NEMF: variants seen among roughly 807,000 people sequenced by gnomAD.
NEMF encodes the protein ribosome quality control complex subunit NEMF.
A neutral mutation model predicts 162.2 loss-of-function variants in NEMF; 89 were observed. That is an observed-to-expected ratio of 0.55 (90% confidence interval 0.46 to 0.65). The LOEUF (loss-of-function observed/expected upper bound fraction) is 0.65, where lower values mean the gene tolerates loss of function less well. NEMF is among the 30% of genes least tolerant of loss of function. The pLI is 0.00. For synonymous variants in NEMF, 421 were observed against 404.5 expected (o/e 1.04, Z -0.49); for missense variants, 1,133 against 1,261.9 (o/e 0.90, Z 1.55).
intron 5 of NEMF, chr14:49,839,889 GT>G (rs1442846005): frequency 2.6e-5 from 4 of 152,154 alleles, no homozygotes; most frequent in Non-Finnish European, 4.4e-5. Flanking sequence ...GCTGGGCCCG[GT>G]CGCTCATACC....
At chr14:49,829,539 A>G (rs1431457740) in intron 11 of NEMF, 113 bp from the exon 12 acceptor site, 3 of 863,086 alleles carry the variant, frequency 3.5e-6, no homozygotes, top group Non-Finnish European at 5.4e-6. Flanking sequence ...TTATCTAGCT[A>G]GCTGAAGTTC....
Position 49,782,563 on chromosome 14 carries a change from A to G in NEMF, c.*2073T>C, listed in dbSNP as rs746917299. 5.6e-6 allele frequency: 9 copies of G among 1,607,632 alleles called. No homozygotes were observed. Among genetic ancestry groups the G allele is most frequent in the African/African-American group, 1.3e-5 (1 of 74,710 alleles). ...TCAGGCACACAGTAATGAAATACTA[A>G]TATTTTCAGTTCAACCAAAATCTCT... On this transcript the variant is annotated 3_prime_UTR_variant, in exon 33 of 33. Transcript: ENST00000298310.
chr14:49,810,561 A>C (rs1891429182), intron 18 of NEMF, among the ~76,000 whole-genome samples: 1 of 152,110 alleles, frequency 6.6e-6, no homozygotes, highest in Non-Finnish European at 1.5e-5. Context: ...ACTCTGTAGA[A>C]AGCTTTAAAA....
At chr14:49,791,938 G>A (rs2139833367) in intron 26 of NEMF, among the ~76,000 whole-genome samples, 1 of 151,744 alleles carries the variant, frequency 6.6e-6, no homozygotes, top group South Asian at 2.1e-4. Flanking sequence ...CGGAAAACCT[G>A]AATAAACCTA....
At chr14:49,832,915 A>G (rs527755942) in intron 8 of NEMF, among the ~76,000 whole-genome samples, 28 of 152,182 alleles carry the variant, frequency 1.8e-4, no homozygotes, top group Non-Finnish European at 3.5e-4. Context: ...CTGACATTGT[A>G]CTTTCTATAA....
intron 23 of NEMF, 95 bp from the exon 24 acceptor site, chr14:49,799,773 G>T: frequency 9.7e-7 from 1 of 1,027,474 alleles, no homozygotes; most frequent in South Asian, 1.6e-5. Flanking sequence ...CTTAAGTACT[G>T]GCAATCCAAC....
At position 49,838,122 on chromosome 14, in the gene NEMF, T is replaced by A; in HGVS notation, c.574+17A>T. 1 of 1,593,312 alleles carries A rather than the reference T, an allele frequency of 6.3e-7. No individual in the cohort carries two copies. The highest frequency in any genetic ancestry group is 8.6e-7 in the Non-Finnish European group (1 of 1,163,190). On this transcript the variant is annotated intron_variant, in intron 6 of 32. Coordinates refer to ENST00000298310, the MANE Select transcript of NEMF (RefSeq NM_004713.6). ...CTGCCTTGCAAACATTTCACTGCTA[T>A]TTGCAGGAATACTCACGAAGTAATG...
In NEMF at chr14:49,847,981, G is replaced by A. The variant is rs527504544; in HGVS notation, c.232-1716C>T. On this transcript the variant is annotated intron_variant, in intron 3 of 32. Coordinates refer to ENST00000298310, the MANE Select transcript of NEMF (RefSeq NM_004713.6). ...CAAGAGGCGGAGGTTACAGTGAGCC[G>A]AGATGACACTACTGCAATCCAGCCT... Among the ~76,000 whole-genome samples the A allele has an allele frequency of 6.0e-5, 9 of 149,074 alleles. No homozygotes were observed. The East Asian group carries it at 1.6e-3, about 27-fold the overall frequency.
intron 19 of NEMF, among the ~76,000 whole-genome samples, chr14:49,804,841 G>T (rs1348024966): frequency 1.3e-5 from 2 of 152,000 alleles, no homozygotes; most frequent in Admixed American, 6.6e-5. Flanking sequence ...GACTGGCCTG[G>T]CCAACATGGC....
intron 3 of NEMF, among the ~76,000 whole-genome samples, chr14:49,850,319 C>G (rs941113493): frequency 2.0e-5 from 3 of 152,148 alleles, no homozygotes; most frequent in Non-Finnish European, 2.9e-5. Flanking sequence ...AACTTCTGAC[C>G]TCAAGTGATC....
intron 26 of NEMF, among the ~76,000 whole-genome samples, chr14:49,789,844 G>T (rs112896604): frequency 6.6e-6 from 1 of 152,146 alleles, no homozygotes; most frequent in Non-Finnish European, 1.5e-5. Context: ...AAGTAAAACA[G>T]TATTGGAAAA....
chr14:49,806,028 T>C lies in NEMF; in HGVS notation c.1850A>G (p.His617Arg). 6.2e-7 allele frequency: 1 copy of C among 1,607,128 alleles called. No homozygotes were observed. Among genetic ancestry groups the C allele is most frequent in the Non-Finnish European group, 8.5e-7 (1 of 1,175,538 alleles). Residue 617 changes from histidine (H) to arginine (R), a missense_variant, in exon 19 of 33, where the codon CAT becomes CGT. Physicochemically the swap from His to Arg is conservative, Grantham distance 29. Transcript: ENST00000298310. Reference sequence around the variant, plus strand: ...GACAAGAGCCCTTATTACCTGATGATGGTACACCCACCAAGCACTAGTGAT... The same window carrying C: ...GACAAGAGCCCTTATTACCTGATGACGGTACACCCACCAAGCACTAGTGAT... ...RVITSAWWVY[H>R]HQVSKTAPTG...
chr14:49,831,218 A>G, intron 11 of NEMF, 81 bp downstream of exon 11: 1 of 769,314 alleles, frequency 1.3e-6, no homozygotes, highest in Non-Finnish European at 2.2e-6. Flanking sequence ...CTCTTTCTGA[A>G]AGGCTACCCT....
chr14:49,847,769 G>A (rs921426476), intron 3 of NEMF, among the ~76,000 whole-genome samples: 1 of 148,186 alleles, frequency 6.7e-6, no homozygotes, highest in African/African-American at 2.5e-5. Context: ...CGGTGGCTCA[G>A]GCCTGTAATC....
chr14:49,797,862 T>G (rs1000695179), intron 25 of NEMF, among the ~76,000 whole-genome samples: 43 of 152,230 alleles, frequency 2.8e-4, no homozygotes, highest in Non-Finnish European at 1.2e-4. Flanking sequence ...AGAACAAAAT[T>G]GATTCCTGGC....
intron 17 of NEMF, 60 bp downstream of exon 17, chr14:49,814,694 A>G (rs1367452012): frequency 1.2e-6 from 1 of 866,748 alleles, no homozygotes. Flanking sequence ...AATGCCTAAT[A>G]TTGAGATAAC....
intron 4 of NEMF, chr14:49,844,676 G>C: frequency 6.0e-6 from 1 of 167,436 alleles, no homozygotes; most frequent in Non-Finnish European, 1.3e-5. Context: ...GCTTACCTCA[G>C]ACCAGATTAA....
At chr14:49,813,931 C>A in intron 18 of NEMF, 57 bp downstream of exon 18, 1 of 1,050,152 alleles carries the variant, frequency 9.5e-7, no homozygotes, top group Non-Finnish European at 1.5e-6. Flanking sequence ...CTTACAGTCA[C>A]ACTAAAAATA....
At chr14:49,828,839 C>T (rs750996035) in intron 13 of NEMF, 32 bp from the exon 14 acceptor site, 11 of 1,472,484 alleles carry the variant, frequency 7.5e-6, no homozygotes, top group Admixed American at 2.5e-5. Flanking sequence ...ATTTCACTAA[C>T]GTCAATGACA....
Sources: gnomAD v4.1 joint callset for allele counts (sites outside exome capture counted in the v4.1 genomes callset) on GRCh38, gnomAD v4.1.1 for gene constraint, MANE v1.5 for transcripts, NCBI Gene and HGNC (gene_info 2026-07-23, HGNC 2026-07-21) for gene names.